Variants in PLAG1 observed in about 807,000 individuals in gnomAD.
PLAG1 encodes the protein PLAG1 zinc finger.
Under a neutral mutation model 35.5 loss-of-function variants are expected in PLAG1, and 7 were observed. The ratio of observed to expected loss-of-function variants is 0.20; its 90% confidence interval spans 0.11 to 0.37. The LOEUF (loss-of-function observed/expected upper bound fraction) is 0.37, where lower values mean the gene tolerates loss of function less well. Among genes scored for constraint, PLAG1 ranks in the 10% least tolerant of loss-of-function variants. The pLI is 1.00. For synonymous variants in PLAG1, 229 were observed against 225.4 expected (o/e 1.02, Z -0.14); for missense variants, 454 against 602.8 (o/e 0.75, Z 2.58).
rs1299739749 is a variant in PLAG1 at position 56,163,166 on chromosome 8, G to C, written c.*3077C>G. 1.7e-5 allele frequency: 3 copies of C among 173,372 alleles called. No homozygotes were observed. Among genetic ancestry groups the C allele is most frequent in the African/African-American group, 7.8e-5 (3 of 38,462 alleles). 10.7% of individuals were successfully genotyped at this position (173,372 alleles called of 1,614,324 possible). On this transcript the variant is annotated 3_prime_UTR_variant, in exon 5 of 5. Transcript: ENST00000316981. ...GAAACTGAATGAGGTTCAATATCTT[G>C]TCTGAGGCCCAAATTCTAAACTACT...
chr8:56,183,316 C>T (rs994534573), intron 1 of PLAG1, among the ~76,000 whole-genome samples: 1 of 152,012 alleles, frequency 6.6e-6, no homozygotes, highest in Non-Finnish European at 1.5e-5. Context: ...TAAAGATGTT[C>T]AAAGTATATT....
rs1187320241 is a variant in PLAG1, at chr8:56,162,547, TAA to T, written c.*3694_*3695del. 6 of 211,036 alleles carry T rather than the reference TAA, an allele frequency of 2.8e-5. No homozygotes were observed. Among genetic ancestry groups the T allele is most frequent in the Non-Finnish European group, 5.8e-5 (6 of 103,742 alleles). 13.1% of individuals were successfully genotyped at this position (211,036 alleles called of 1,614,324 possible). The stretch of plus-strand genomic sequence containing the variant: ...TCATCTAATGGCACTTGAATTATAA[TAA>T]GTCTTAAAATAAAAGGCATAACCTA... On this transcript the variant is annotated 3_prime_UTR_variant, in exon 5 of 5. Coordinates refer to ENST00000316981, the MANE Select transcript of PLAG1 (RefSeq NM_002655.3).
At position 56,165,232 on chromosome 8, in the gene PLAG1, G is replaced by A. The variant is rs1395657198; in HGVS notation, c.*1011C>T. ...TCCCAAATGTAACCATGTGCTTCACGTCTATCTTCCTGCTTAGAAGTCTGT... is the reference window on the plus strand; with the variant it reads ...TCCCAAATGTAACCATGTGCTTCACATCTATCTTCCTGCTTAGAAGTCTGT... On this transcript the variant is annotated 3_prime_UTR_variant, in exon 5 of 5. Transcript: ENST00000316981. The A allele has an allele frequency of 2.3e-5, 5 of 213,278 alleles. No homozygotes were observed. Among genetic ancestry groups the A allele is most frequent in the East Asian group, 2.1e-4 (3 of 14,428 alleles). 13.2% of individuals were successfully genotyped at this position (213,278 alleles called of 1,614,324 possible).
intron 2 of PLAG1, among the ~76,000 whole-genome samples, chr8:56,175,252 T>C (rs944123802): frequency 6.6e-6 from 1 of 152,174 alleles, no homozygotes; most frequent in African/African-American, 2.4e-5. Context: ...CTAATACAAG[T>C]AGATAACATC....
At chr8:56,193,863 C>T (rs948738124) in intron 1 of PLAG1, among the ~76,000 whole-genome samples, 5 of 151,942 alleles carry the variant, frequency 3.3e-5, no homozygotes, top group Non-Finnish European at 7.4e-5. Flanking sequence ...GTACTACAGG[C>T]ACCTGCTACC....
rs1811283058 is a variant in PLAG1 at position 56,164,044 on chromosome 8, G to C, written c.*2199C>G. 1 of 185,854 alleles carries C rather than the reference G, an allele frequency of 5.4e-6. No homozygotes were observed. The highest frequency in any genetic ancestry group is 1.1e-5 in the Non-Finnish European group (1 of 87,552). 11.5% of individuals were successfully genotyped at this position (185,854 alleles called of 1,614,324 possible). A position where few individuals can be genotyped will look rare whatever the true frequency, so the allele number is the denominator to read the frequency against. On this transcript the variant is annotated 3_prime_UTR_variant, in exon 5 of 5. Coordinates refer to ENST00000316981, the MANE Select transcript of PLAG1 (RefSeq NM_002655.3). Reference sequence around the variant, plus strand: ...AACTAAAGGAAGCAGTAATGAAGCAGAGCGAAAAGCCTACTTTCAGAAAAA... The same window carrying C: ...AACTAAAGGAAGCAGTAATGAAGCACAGCGAAAAGCCTACTTTCAGAAAAA...
intron 1 of PLAG1, among the ~76,000 whole-genome samples, chr8:56,195,852 A>C (rs531499616): frequency 3.9e-5 from 6 of 152,222 alleles, no homozygotes; most frequent in African/African-American, 1.2e-4. Flanking sequence ...TGGGCAACAC[A>C]AGTCTCTCCT....
intron 1 of PLAG1, among the ~76,000 whole-genome samples, chr8:56,204,026 T>C (rs554195067): frequency 6.6e-6 from 1 of 152,110 alleles, no homozygotes; most frequent in East Asian, 1.9e-4. Context: ...TAATAGGTTA[T>C]AAGGTCATAA....
intron 2 of PLAG1, among the ~76,000 whole-genome samples, chr8:56,171,920 A>G (rs1811537034): frequency 6.6e-6 from 1 of 152,234 alleles, no homozygotes; most frequent in Admixed American, 6.5e-5. Flanking sequence ...GTAGACTGAG[A>G]TCACACACAG....
chr8:56,192,919 C>T lies in PLAG1; in HGVS notation c.-321-13406G>A, dbSNP rs542844419. Among the ~76,000 whole-genome samples the T allele has an allele frequency of 1.0e-3, 154 of 151,856 alleles. 1 individual carries two copies. The highest frequency in any genetic ancestry group is 1.7e-3 in the Non-Finnish European group (115 of 68,004). On this transcript the variant is annotated intron_variant, in intron 1 of 4. Coordinates refer to ENST00000316981, the MANE Select transcript of PLAG1 (RefSeq NM_002655.3). ...ACACAAACACAAAAGACAAAAAACCCGTTTCTTTAACAAATGCGTTTTAAG... is the reference window on the plus strand; with the variant it reads ...ACACAAACACAAAAGACAAAAAACCTGTTTCTTTAACAAATGCGTTTTAAG...
chr8:56,192,491 CA>C (rs1402306144), intron 1 of PLAG1, among the ~76,000 whole-genome samples: 3 of 152,168 alleles, frequency 2.0e-5, no homozygotes, highest in Non-Finnish European at 2.9e-5. Context: ...AATCTTTATA[CA>C]ATGTTACATT....
At position 56,167,167 on chromosome 8, in the gene PLAG1, C is replaced by T. The variant is rs747466241; in HGVS notation, c.579G>A (p.Arg193=). Residue 193 remains arginine (R), a synonymous_variant, in exon 5 of 5, where the codon CGG becomes CGA. Coordinates refer to ENST00000316981, the MANE Select transcript of PLAG1 (RefSeq NM_002655.3). This position sits in a 1 kb window ranked among gnomAD's most constrained non-coding sequence, Gnocchi z 5.9. The stretch of plus-strand genomic sequence containing the variant: ...TCCGGACATCCTTTCGGGTGTAGAA[C>T]CGGCGATCACAATGTTCGCACTGGT... ...KKHQCEHCDR[R]FYTRKDVRRH... 3.1e-6 allele frequency: 5 copies of T among 1,613,910 alleles called. No individual in the cohort carries two copies. The highest frequency in any genetic ancestry group is 1.1e-5 in the South Asian group (1 of 91,068).
rs34779318 is a variant in PLAG1, at chr8:56,163,210, CTTT to C, written c.*3030_*3032del. 2.8e-3 allele frequency: 273 copies of C among 97,186 alleles called. No individual in the cohort carries two copies. Among genetic ancestry groups the C allele is most frequent in the East Asian group, 0.017 (78 of 4,482 alleles). The allele number at this position is 97,186 out of a possible 1,614,324, so 6.0% of individuals were successfully genotyped here. ...AACTACTTTTATTTAATGTTAATCC[CTTT>C]TTTTTTTTTTTTTTTTTTTTTTTAA... On this transcript the variant is annotated 3_prime_UTR_variant, in exon 5 of 5. Transcript: ENST00000316981.
chr8:56,185,976 G>A (rs983995023), intron 1 of PLAG1, among the ~76,000 whole-genome samples: 1 of 152,158 alleles, frequency 6.6e-6, no homozygotes, highest in African/African-American at 2.4e-5. Context: ...CAGAAGCCAA[G>A]GTAACAAAAG....
chr8:56,192,752 T>C (rs1812224527), intron 1 of PLAG1, among the ~76,000 whole-genome samples: 2 of 152,222 alleles, frequency 1.3e-5, no homozygotes, highest in South Asian at 2.1e-4. Context: ...ATTCAATCTT[T>C]CCAGCTTTCC....
intron 1 of PLAG1, among the ~76,000 whole-genome samples, chr8:56,196,945 A>AGC (rs1649991337): frequency 1.2e-5 from 1 of 84,112 alleles, no homozygotes; most frequent in Admixed American, 1.2e-4. Flanking sequence ...CTCCCTCCCT[A>AGC]GTGTGCGTGT....
chr8:56,186,037 A>G (rs1240564211), intron 1 of PLAG1, among the ~76,000 whole-genome samples: 1 of 151,506 alleles, frequency 6.6e-6, no homozygotes, highest in Non-Finnish European at 1.5e-5. Context: ...GGGAGTCACA[A>G]ACTGTATGGT....
intron 1 of PLAG1, among the ~76,000 whole-genome samples, chr8:56,188,594 C>T (rs1211200881): frequency 6.6e-6 from 1 of 152,172 alleles, no homozygotes; most frequent in Non-Finnish European, 1.5e-5. Context: ...GACTTGTTTG[C>T]TTTCTTTTGC....
intron 1 of PLAG1, among the ~76,000 whole-genome samples, chr8:56,190,721 G>T (rs1323226829): frequency 6.6e-6 from 1 of 152,090 alleles, no homozygotes; most frequent in Non-Finnish European, 1.5e-5. Flanking sequence ...GAGGGAAAGG[G>T]AGAGAAAGGA....
Sources: gnomAD v4.1 joint callset for allele counts (sites outside exome capture counted in the v4.1 genomes callset) on GRCh38, gnomAD v4.1.1 for gene constraint, Gnocchi (gnomAD v3.1) non-coding constraint, MANE v1.5 for transcripts, NCBI Gene and HGNC (gene_info 2026-07-23, HGNC 2026-07-21) for gene names.